The following SHPRH variants were observed in gnomAD, a reference collection of about 807,000 sequenced individuals.
SHPRH encodes the protein E3 ubiquitin-protein ligase SHPRH.
SHPRH carries 106 observed loss-of-function variants against 202.5 expected under a neutral mutation model. The observed-to-expected ratio is 0.52, with a 90% CI of 0.45 to 0.62. SHPRH has a LOEUF of 0.62. SHPRH is among the 20% of genes least tolerant of loss of function. The pLI is 0.00. For synonymous variants in SHPRH, 729 were observed against 686.0 expected, an observed-to-expected ratio of 1.06 and a Z score of -0.98; for missense variants, 1,710 against 2,020.0, an observed-to-expected ratio of 0.85 and a Z score of 2.94.
At position 145,945,756 on chromosome 6, in the gene SHPRH, T is replaced by C. The variant is rs1787305510; in HGVS notation, c.1322-119A>G. ...AAGAAAGAAATAAATCAAAGATTTATTACAGCAGAGTGCCATTTTGAAAAA... is the reference window on the plus strand; with the variant it reads ...AAGAAAGAAATAAATCAAAGATTTACTACAGCAGAGTGCCATTTTGAAAAA... On this transcript the variant is annotated intron_variant, in intron 7 of 29. Transcript: ENST00000275233. 3 of 1,138,072 alleles carry C rather than the reference T, an allele frequency of 2.6e-6. No homozygotes were observed. In the Admixed American group the frequency reaches 1.0e-4, roughly 39 times the overall value. The allele number at this position is 1,138,072 out of a possible 1,614,324, so 70.5% of individuals were successfully genotyped here.
Position 145,947,646 on chromosome 6 carries a change from G to A in SHPRH, c.1062-3C>T, listed in dbSNP as rs764781926. On this transcript the variant is annotated splice_region_variant and splice_polypyrimidine_tract_variant and intron_variant, in intron 5 of 29. Transcript: ENST00000275233. ...AATTTGGGTACTCACGAATGATGCT[G>A]AGGAAAAAAACAAGATAAATCACAT... is the stretch of plus-strand genomic sequence containing the variant. 2 of 1,610,294 alleles carry A rather than the reference G, an allele frequency of 1.2e-6. No homozygotes were observed. Among genetic ancestry groups the A allele is most frequent in the South Asian group, 1.1e-5 (1 of 90,630 alleles).
chr6:145,862,234 G>A (rs1393940807), downstream of SHPRH, among the ~76,000 whole-genome samples: 1 of 152,076 alleles, frequency 6.6e-6, no homozygotes, highest in Non-Finnish European at 1.5e-5. Context: ...GGCCGAGGCA[G>A]GCGGATCACG....
At position 145,943,514 on chromosome 6, in the gene SHPRH, A is replaced by T. The variant is rs1424574057; in HGVS notation, c.1867T>A (p.Phe623Ile). The T allele has an allele frequency of 3.7e-6, 6 of 1,613,892 alleles. No homozygotes were observed. In the Admixed American group the frequency reaches 6.7e-5, roughly 18 times the overall value. Reference protein sequence around the residue: ...AMSKSTCISEFNQEHETEDCA... With the variant: ...AMSKSTCISEINQEHETEDCA... ...TCCTCTGTTTCATGTTCTTGGTTGAATTCAGAGATACATGTACTTTTAGAC... is the reference window on the plus strand; with the variant it reads ...TCCTCTGTTTCATGTTCTTGGTTGATTTCAGAGATACATGTACTTTTAGAC... Residue 623 changes from phenylalanine (F) to isoleucine (I), a missense_variant, in exon 9 of 30, where the codon TTC becomes ATC. By Grantham distance (21) the Phe-to-Ile change is conservative (BLOSUM62 0). Transcript: ENST00000275233.
intron 2 of SHPRH, among the ~76,000 whole-genome samples, chr6:145,864,702 T>A (rs1202588761): frequency 6.7e-6 from 1 of 148,348 alleles, no homozygotes; most frequent in Admixed American, 6.7e-5. Context: ...AAGCTAAGGT[T>A]AAAAAAAAAG....
intron 25 of SHPRH, among the ~76,000 whole-genome samples, chr6:145,900,800 T>C (rs1258043739): frequency 6.6e-6 from 1 of 152,136 alleles, no homozygotes; most frequent in African/African-American, 2.4e-5. Context: ...ACGTAAATTA[T>C]TATAGTGTCT....
At chr6:145,883,334 G>A (rs2254288), downstream of SHPRH, 68,555 of 151,982 alleles carry the variant, frequency 0.45, 15,950 homozygotes, top group African/African-American at 0.54. Flanking sequence ...TTTACTCTTC[G>A]AAGATGAGCT....
intron 10 of SHPRH, among the ~76,000 whole-genome samples, chr6:145,941,100 C>G (rs1174012274): frequency 1.3e-5 from 2 of 152,162 alleles, no homozygotes; most frequent in African/African-American, 4.8e-5. Flanking sequence ...CTGCATCACT[C>G]TATCCTCCAG....
chr6:145,947,479 C>T lies in SHPRH; in HGVS notation c.1212+14G>A, dbSNP rs368955885. On this transcript the variant is annotated intron_variant, in intron 6 of 29. Transcript: ENST00000275233. ...ATGTCCCCTGCTTTTGCAAGCCCTA[C>T]TATACCCTCCTACCTCGGGAAGAGT... The T allele has an allele frequency of 2.5e-6, 4 of 1,611,464 alleles. No homozygotes were observed. The African/African-American group carries it at 5.4e-5, about 22-fold the overall frequency.
At chr6:145,920,063 C>T (rs1784301042) in intron 21 of SHPRH, among the ~76,000 whole-genome samples, 1 of 152,056 alleles carries the variant, frequency 6.6e-6, no homozygotes, top group East Asian at 1.9e-4. Flanking sequence ...CTTAATAATT[C>T]AGTTATATAT....
intron 11 of SHPRH, among the ~76,000 whole-genome samples, chr6:145,936,910 C>T (rs1373852783): frequency 2.0e-5 from 3 of 151,762 alleles, no homozygotes. Flanking sequence ...TTTTTGAGGT[C>T]CCAAAGCCGT....
chr6:145,946,117 A>G (rs1366244834), intron 7 of SHPRH, 116 bp downstream of exon 7: 3 of 674,382 alleles, frequency 4.4e-6, no homozygotes, highest in Admixed American at 3.5e-5. Context: ...TATCAAAAGC[A>G]TATATAACTG....
chr6:145,942,050 A>G (rs965986314), intron 9 of SHPRH, among the ~76,000 whole-genome samples, 176 bp from the exon 10 acceptor site: 5 of 152,226 alleles, frequency 3.3e-5, no homozygotes, highest in Non-Finnish European at 7.3e-5. Context: ...GATGAATTAC[A>G]TAACTGATGT....
chr6:145,921,485 C>A, intron 20 of SHPRH, 93 bp from the exon 21 acceptor site: 1 of 1,276,204 alleles, frequency 7.8e-7, no homozygotes, highest in Non-Finnish European at 1.1e-6. Flanking sequence ...GTTTGCAAGT[C>A]TTTGGAAAAA....
chr6:145,884,232 A>G (rs1780802374), downstream of SHPRH: 1 of 152,216 alleles, frequency 6.6e-6, no homozygotes, highest in South Asian at 2.1e-4. Flanking sequence ...TATGAAAGAT[A>G]ACAATTCCTA....
At position 145,950,531 on chromosome 6, in the gene SHPRH, A is replaced by C. The variant is rs757899672; in HGVS notation, c.764-49T>G. On this transcript the variant is annotated intron_variant, in intron 3 of 29. Transcript: ENST00000275233. ...CTCAAAAACTGATAGGTTTTTTCTA[A>C]CTATAAGCAATTCTTATTCTAAGAG... 6 of 1,550,592 alleles carry C rather than the reference A, an allele frequency of 3.9e-6. No homozygotes were observed. The East Asian group carries it at 1.3e-4, about 35-fold the overall frequency.
Position 145,924,723 on chromosome 6 carries a change from C to G in SHPRH, c.3402+16G>C. On this transcript the variant is annotated intron_variant, in intron 17 of 29. Transcript: ENST00000275233. Reference sequence around the variant, plus strand: ...TGGAGGCAAATACAAGTAAGAAACACTGCATTTTGGCATACCTTTCTTTGA... The same window carrying G: ...TGGAGGCAAATACAAGTAAGAAACAGTGCATTTTGGCATACCTTTCTTTGA... 6.2e-7 allele frequency: 1 copy of G among 1,605,870 alleles called. No homozygotes were observed.
intron 15 of SHPRH, among the ~76,000 whole-genome samples, chr6:145,926,835 T>C (rs1157528852): frequency 6.6e-6 from 1 of 152,080 alleles, no homozygotes; most frequent in East Asian, 1.9e-4. Flanking sequence ...TATTGCTTAG[T>C]TCCTTTTCTT....
intron 14 of SHPRH, 93 bp downstream of exon 14, chr6:145,932,964 T>TCCCC: frequency 1.7e-6 from 2 of 1,150,358 alleles, no homozygotes; most frequent in Non-Finnish European, 2.4e-6. Flanking sequence ...GGGGGAAAAA[T>TCCCC]CCCCCCCCCA....
downstream of SHPRH, chr6:145,864,159 C>T (rs930740508): frequency 1.2e-5 from 2 of 173,824 alleles, no homozygotes; most frequent in East Asian, 3.5e-4. Context: ...TAACTTAAGA[C>T]AAATCTCTTA....
Sources: allele counts gnomAD v4.1 joint callset (sites outside exome capture counted in the v4.1 genomes callset), GRCh38; gene constraint gnomAD v4.1.1; transcripts MANE v1.5; gene names NCBI Gene and HGNC (gene_info 2026-07-23, HGNC 2026-07-21).